The following PHF24 variants were observed in gnomAD, a reference collection of about 807,000 sequenced individuals.
PHF24 encodes the protein PHD finger protein 24, also known as Galpha inhibitory interacting protein.
Under a neutral mutation model 42.6 loss-of-function variants are expected in PHF24, and 25 were observed. The observed-to-expected ratio is 0.59, with a 90% CI of 0.43 to 0.82. PHF24 has a LOEUF of 0.82. Ranked by LOEUF, PHF24 falls within the 40% of genes least tolerant of loss-of-function variation. The pLI, the probability that PHF24 is intolerant of heterozygous loss-of-function variation, is 0.00. For missense variants in PHF24, 470 were observed against 538.1 expected (o/e 0.87, Z 1.25); for synonymous variants, 185 against 204.8 (o/e 0.90, Z 0.83).
chr9:34,813,157 A>T, the PHF24 span, among the ~76,000 whole-genome samples: 1 of 152,156 alleles, frequency 6.6e-6, no homozygotes, highest in Non-Finnish European at 1.5e-5. Context: ...GATTTCCCAG[A>T]TGCCTTTTTC....
chr9:34,790,315 C>T, the PHF24 span, among the ~76,000 whole-genome samples: 1 of 152,124 alleles, frequency 6.6e-6, no homozygotes, highest in Non-Finnish European at 1.5e-5. Flanking sequence ...TTGGGATGGC[C>T]TTTGTGCAAG....
At chr9:34,751,365 CA>C in the PHF24 span, among the ~76,000 whole-genome samples, 1 of 151,240 alleles carries the variant, frequency 6.6e-6, no homozygotes, top group Non-Finnish European at 1.5e-5. Flanking sequence ...AACTCTGTCT[CA>C]AAAAAAATAA....
the PHF24 span, among the ~76,000 whole-genome samples, chr9:34,896,245 T>A: frequency 1.3e-5 from 2 of 152,344 alleles, no homozygotes; most frequent in South Asian, 4.1e-4. Flanking sequence ...CATCATATTG[T>A]TAAATCTTGG....
chr9:34,697,687 G>A, the PHF24 span, among the ~76,000 whole-genome samples: 1 of 152,188 alleles, frequency 6.6e-6, no homozygotes, highest in African/African-American at 2.4e-5. Context: ...GAATAGTAAA[G>A]TAGAGGAAGA....
chr9:34,742,981 G>A, the PHF24 span, among the ~76,000 whole-genome samples: 1 of 152,226 alleles, frequency 6.6e-6, no homozygotes, highest in Non-Finnish European at 1.5e-5. Context: ...CAATGGCAGA[G>A]TTGGGTATTT....
chr9:34,971,232 A>G, intron 1 of PHF24, 63 bp from the exon 2 acceptor site: 1 of 1,526,758 alleles, frequency 6.5e-7, no homozygotes, highest in Non-Finnish European at 8.8e-7. Flanking sequence ...TTAGGTTGAA[A>G]CTGATTAGCC....
chr9:34,906,983 C>T, the PHF24 span, among the ~76,000 whole-genome samples: 1 of 152,236 alleles, frequency 6.6e-6, no homozygotes, highest in African/African-American at 2.4e-5. Context: ...ACCACCCCAC[C>T]CCTCTAATTT....
At chr9:34,709,950 G>C in the PHF24 span, 3 of 1,614,116 alleles carry the variant, frequency 1.9e-6, no homozygotes, top group East Asian at 6.7e-5. Flanking sequence ...CTCCTATCCA[G>C]GCCTCTTGAT....
the PHF24 span, among the ~76,000 whole-genome samples, chr9:34,818,544 T>A: frequency 6.6e-6 from 1 of 152,138 alleles, no homozygotes; most frequent in African/African-American, 2.4e-5. Flanking sequence ...GTCATGAAAA[T>A]TTGTATTTTT....
intron 2 of PHF24, 137 bp downstream of exon 2, chr9:34,971,813 T>G: frequency 9.7e-7 from 1 of 1,026,664 alleles, no homozygotes; most frequent in South Asian, 1.6e-5. Flanking sequence ...ATTTCTTCTG[T>G]AAGAATAAAA....
the PHF24 span, among the ~76,000 whole-genome samples, chr9:34,752,873 T>C: frequency 6.6e-6 from 1 of 152,174 alleles, no homozygotes; most frequent in Admixed American, 6.5e-5. Flanking sequence ...GATACAAGGA[T>C]GGTTCAACAT....
the PHF24 span, among the ~76,000 whole-genome samples, chr9:34,925,623 T>C: frequency 1.7e-4 from 26 of 152,292 alleles, no homozygotes; most frequent in African/African-American, 6.0e-4. Flanking sequence ...CTAGGATTTC[T>C]GTTTGACTCT....
the PHF24 span, among the ~76,000 whole-genome samples, chr9:34,906,220 C>CT: frequency 0.016 from 2,467 of 152,202 alleles, 38 homozygotes; most frequent in Admixed American, 0.03. Flanking sequence ...AACATAGTCT[C>CT]AAGAGGTCCT....
At chr9:34,745,880 TGAA>T in the PHF24 span, among the ~76,000 whole-genome samples, 1 of 152,048 alleles carries the variant, frequency 6.6e-6, no homozygotes, top group Non-Finnish European at 1.5e-5. Context: ...TAAATAATGT[TGAA>T]AGGCATTGTA....
chr9:34,959,284 A>AG (rs1289947026), intron 1 of PHF24, among the ~76,000 whole-genome samples: 1 of 152,146 alleles, frequency 6.6e-6, no homozygotes. Context: ...GAAGGAATAA[A>AG]GGATGTATGG....
At chr9:34,686,823 A>T in the PHF24 span, among the ~76,000 whole-genome samples, 1 of 152,302 alleles carries the variant, frequency 6.6e-6, no homozygotes, top group South Asian at 2.1e-4. Context: ...CAGAGATCTG[A>T]CAATCTCTGG....
chr9:34,817,623 C>T, the PHF24 span, among the ~76,000 whole-genome samples: 3 of 152,042 alleles, frequency 2.0e-5, no homozygotes, highest in East Asian at 3.9e-4. Context: ...TTATCAGACA[C>T]GTGATTTGCA....
At chr9:34,677,389 GTTTTTTTTTTTTTTTT>G in the PHF24 span, among the ~76,000 whole-genome samples, 8 of 79,776 alleles carry the variant, frequency 1.0e-4, no homozygotes, top group South Asian at 2.4e-3. Context: ...TTTGTAAACT[GTTTTTTTTTTTTTTTT>G]TTTTTTTTTG....
the PHF24 span, among the ~76,000 whole-genome samples, chr9:34,947,358 G>A: frequency 4.6e-5 from 7 of 151,970 alleles, no homozygotes; most frequent in East Asian, 1.9e-4. Context: ...AAGTCACAGC[G>A]CAGCACATTA....
Sources: allele counts gnomAD v4.1 joint callset (sites outside exome capture counted in the v4.1 genomes callset), GRCh38; gene constraint gnomAD v4.1.1; transcripts MANE v1.5; gene names NCBI Gene and HGNC (gene_info 2026-07-23, HGNC 2026-07-21).